The following PRPSAP2 variants were observed in gnomAD, a reference collection of about 807,000 sequenced individuals.
The protein encoded by PRPSAP2 is phosphoribosyl pyrophosphate synthetase associated protein 2.
A neutral mutation model predicts 40.6 loss-of-function variants in PRPSAP2; 24 were observed. That is an observed-to-expected ratio of 0.59 (90% CI 0.43 to 0.83). PRPSAP2 has a LOEUF of 0.83. Among genes scored for constraint, PRPSAP2 ranks in the 40% least tolerant of loss-of-function variants. The pLI is 0.00. For missense variants in PRPSAP2, 292 were observed against 465.6 expected, an observed-to-expected ratio of 0.63 and a Z score of 3.43; for synonymous variants, 149 against 164.7, an observed-to-expected ratio of 0.90 and a Z score of 0.73.
In PRPSAP2 at chr17:18,930,805, G is replaced by T. The variant is rs2042219776; in HGVS notation, c.*107G>T. ...TCATGCTTGTTCCTCCCTCTCCCCT[G>T]TAACCTCACTTCTTATTGATTCCTA... On this transcript the variant is annotated 3_prime_UTR_variant, in exon 12 of 12. Transcript: ENST00000268835. 5.8e-6 allele frequency: 6 copies of T among 1,025,956 alleles called. No individual in the cohort carries two copies. In the African/African-American group the frequency reaches 8.1e-5, roughly 14 times the overall value. 63.6% of individuals were successfully genotyped at this position (1,025,956 alleles called of 1,614,324 possible).
In PRPSAP2 at chr17:18,872,638, A is replaced by G. The variant is rs753708739; in HGVS notation, c.228A>G (p.Gln76=). The change falls in exon 5 of 12, where the codon CAA becomes CAG. Residue 76 remains glutamine, a synonymous_variant. Transcript: ENST00000268835. Reference sequence around the variant, plus strand: ...GGGGAAAAGATGTTTTCATCATCCAAACTGTTTCGAAGTGAGTATCCAGCA... The same window carrying G: ...GGGGAAAAGATGTTTTCATCATCCAGACTGTTTCGAAGTGAGTATCCAGCA... The part of the protein sequence containing the change: ...SVRGKDVFII[Q]TVSKDVNTTI... 7.3e-5 allele frequency: 117 copies of G among 1,594,912 alleles called. No individual in the cohort carries two copies. The Middle Eastern group carries it at 1.2e-3, about 16-fold the overall frequency.
At chr17:18,925,022 A>G (rs1358055100) in intron 10 of PRPSAP2, among the ~76,000 whole-genome samples, 2 of 152,034 alleles carry the variant, frequency 1.3e-5, no homozygotes, top group Admixed American at 1.3e-4. Context: ...TGGGAGGCTG[A>G]TCTTGGAGAA....
intron 8 of PRPSAP2, among the ~76,000 whole-genome samples, chr17:18,910,231 C>A (rs1768048828): frequency 6.6e-6 from 1 of 152,090 alleles, no homozygotes; most frequent in Non-Finnish European, 1.5e-5. Context: ...ACCAGTCTGG[C>A]TAACATGGTA....
At chr17:18,866,091 A>G (rs1476054963) in intron 3 of PRPSAP2, 139 bp downstream of exon 3, 14 of 576,470 alleles carry the variant, frequency 2.4e-5, no homozygotes, top group Non-Finnish European at 3.0e-5. Context: ...TTCATCATGT[A>G]TCTTTTTTTT....
At chr17:18,920,007 G>A (rs2041601723) in intron 9 of PRPSAP2, among the ~76,000 whole-genome samples, 1 of 152,146 alleles carries the variant, frequency 6.6e-6, no homozygotes, top group Non-Finnish European at 1.5e-5. Context: ...ACAGCCTCAC[G>A]TGCCCAGGCT....
chr17:18,928,749 G>C (rs1456903507), intron 10 of PRPSAP2, 62 bp from the exon 11 acceptor site: 6 of 1,596,736 alleles, frequency 3.8e-6, no homozygotes, highest in Non-Finnish European at 5.1e-6. Context: ...TTTTTTCCTG[G>C]TTGTCTAACC....
chr17:18,928,327 A>G (rs2042077023), intron 10 of PRPSAP2: 1 of 178,554 alleles, frequency 5.6e-6, no homozygotes, highest in African/African-American at 2.4e-5. Context: ...GTAAAAAAAC[A>G]TATTTCCCAT....
chr17:18,926,236 A>ATTATTTATTTATTTATTTAT (rs35064082), intron 10 of PRPSAP2, among the ~76,000 whole-genome samples: 1 of 145,162 alleles, frequency 6.9e-6, no homozygotes, highest in Non-Finnish European at 1.5e-5. Context: ...GTGCCACTGC[A>ATTATTTATTTATTTATTTAT]TTATTTATTT....
At chr17:18,882,430 C>T in intron 6 of PRPSAP2, 138 bp from the exon 7 acceptor site, 1 of 635,492 alleles carries the variant, frequency 1.6e-6, no homozygotes, top group Non-Finnish European at 2.8e-6. Flanking sequence ...AGGATTGCTT[C>T]AGCCTAGGAG....
chr17:18,907,908 C>T (rs1335175246), intron 8 of PRPSAP2, among the ~76,000 whole-genome samples: 7 of 152,046 alleles, frequency 4.6e-5, no homozygotes, highest in Admixed American at 1.3e-4. Flanking sequence ...ATGCCAAGGC[C>T]GGCAGATTAC....
chr17:18,901,380 G>GT lies in PRPSAP2; in HGVS notation c.585-9722dup, dbSNP rs2040257941. ...GTCTGCCTTCTCTCTACCTTTTAGT[G>GT]TCTTCTCATTTTTTTTTGAGACGGA... On this transcript the variant is annotated intron_variant, in intron 8 of 11. Coordinates refer to ENST00000268835, the MANE Select transcript of PRPSAP2 (RefSeq NM_002767.4). 2.0e-5 allele frequency among the ~76,000 whole-genome samples: 3 copies of GT among 152,064 alleles called. No individual in the cohort carries two copies. In the South Asian group the frequency reaches 6.2e-4, roughly 32 times the overall value.
intron 10 of PRPSAP2, among the ~76,000 whole-genome samples, chr17:18,926,777 AGTGTGTGT>A (rs71155377): frequency 0.084 from 12,418 of 148,280 alleles, 582 homozygotes; most frequent in Middle Eastern, 0.14. Flanking sequence ...AGTGAGTGTG[AGTGTGTGT>A]GTGTGTGTGT....
In PRPSAP2 at chr17:18,865,866, C is replaced by T; in HGVS notation, c.33C>T (p.Thr11=). The T allele has an allele frequency of 6.6e-7, 1 of 1,522,712 alleles. No homozygotes were observed. The highest frequency in any genetic ancestry group is 8.9e-7 in the Non-Finnish European group (1 of 1,125,022). The allele number at this position is 1,522,712 out of a possible 1,614,324, so 94.3% of individuals were successfully genotyped here. ...GTGTGACGCCACCTGAATTAGAAACCAAGATGAACATAACCAAAGGTGGTC... is the reference window on the plus strand; with the variant it reads ...GTGTGACGCCACCTGAATTAGAAACTAAGATGAACATAACCAAAGGTGGTC... The part of the protein sequence containing the change: MFCVTPPELE[T]KMNITKGGLV... The change falls in exon 3 of 12, where the codon ACC becomes ACT. Residue 11 remains threonine (T), a synonymous_variant. Transcript: ENST00000268835.
chr17:18,878,558 A>T (rs1370895091), intron 6 of PRPSAP2, among the ~76,000 whole-genome samples: 1 of 151,476 alleles, frequency 6.6e-6, no homozygotes, highest in Non-Finnish European at 1.5e-5. Context: ...GATTTTATTT[A>T]TTTATTTATT....
At chr17:18,900,501 T>C (rs1258428222) in intron 8 of PRPSAP2, among the ~76,000 whole-genome samples, 3 of 152,220 alleles carry the variant, frequency 2.0e-5, no homozygotes, top group South Asian at 4.1e-4. Context: ...CTGTTAATTG[T>C]CTTTTTTCAT....
At chr17:18,889,388 A>G (rs1640898652) in intron 7 of PRPSAP2, among the ~76,000 whole-genome samples, 1 of 152,222 alleles carries the variant, frequency 6.6e-6, no homozygotes, top group South Asian at 2.1e-4. Context: ...TCCTTTAACA[A>G]ATTGGTTGCT....
chr17:18,925,388 A>G (rs1193658019), intron 10 of PRPSAP2, among the ~76,000 whole-genome samples: 1 of 152,226 alleles, frequency 6.6e-6, no homozygotes, highest in Non-Finnish European at 1.5e-5. Flanking sequence ...GTAGTCAGCC[A>G]TGAGGGCTTG....
intron 8 of PRPSAP2, among the ~76,000 whole-genome samples, chr17:18,907,835 C>T (rs1389622350): frequency 6.6e-6 from 1 of 151,978 alleles, no homozygotes; most frequent in Non-Finnish European, 1.5e-5. Context: ...TATTTAGAAC[C>T]AAATGAAAAT....
chr17:18,899,568 G>C (rs2040142933), intron 8 of PRPSAP2, among the ~76,000 whole-genome samples: 1 of 104,732 alleles, frequency 9.5e-6, no homozygotes, highest in South Asian at 3.3e-4. Flanking sequence ...CACCTCTGTT[G>C]CCCAGGCTGG....
Sources: gnomAD v4.1 joint callset for allele counts (sites outside exome capture counted in the v4.1 genomes callset) on GRCh38, gnomAD v4.1.1 for gene constraint, MANE v1.5 for transcripts, NCBI Gene and HGNC (gene_info 2026-07-23, HGNC 2026-07-21) for gene names.